IRF2BP2: variants seen among roughly 807,000 people sequenced by gnomAD.
The protein encoded by IRF2BP2 is interferon regulatory factor 2-binding protein 2.
In IRF2BP2, 13 loss-of-function variants were observed where a neutral mutation model predicts 32.7. The observed-to-expected ratio is 0.40, with a 90% CI of 0.26 to 0.63. The LOEUF (loss-of-function observed/expected upper bound fraction) is 0.63, where lower values mean the gene tolerates loss of function less well. IRF2BP2 is among the 30% of genes least tolerant of loss of function. The pLI is 0.42. For synonymous variants in IRF2BP2, 555 were observed against 384.6 expected (o/e 1.44, Z -5.18); for missense variants, 980 against 830.6 (o/e 1.18, Z -2.21).
Position 234,605,790 on chromosome 1 carries a change from T to A in IRF2BP2, c.*1347A>T, listed in dbSNP as rs1419144422. ...CTAATAATTGATGATTTATTGGTTT[T>A]AAAAAAATCATTTTACTGATGCAAA... On this transcript the variant is annotated 3_prime_UTR_variant, in exon 2 of 2. Coordinates refer to ENST00000366609, the MANE Select transcript of IRF2BP2 (RefSeq NM_182972.3). The A allele has an allele frequency of 2.0e-5, 3 of 152,226 alleles. No homozygotes were observed. Among genetic ancestry groups the A allele is most frequent in the Non-Finnish European group, 1.5e-5 (1 of 68,042 alleles). 9.4% of individuals were successfully genotyped at this position (152,226 alleles called of 1,614,324 possible).
rs1261585655 is a variant in IRF2BP2, at chr1:234,609,525, G to C, written c.-31C>G. 4 of 1,382,676 alleles carry C rather than the reference G, an allele frequency of 2.9e-6. No individual in the cohort carries two copies. The African/African-American group carries it at 6.0e-5, about 21-fold the overall frequency. 85.7% of individuals were successfully genotyped at this position (1,382,676 alleles called of 1,614,324 possible). On this transcript the variant is annotated 5_prime_UTR_variant, in exon 1 of 2. Transcript: ENST00000366609. Reference sequence around the variant, plus strand: ...AGGAGCCCGCGACGCCGGAGGAGGAGGCGGAGGAGGAGGAGGGGGCGCCGC... The same window carrying C: ...AGGAGCCCGCGACGCCGGAGGAGGACGCGGAGGAGGAGGAGGGGGCGCCGC...
In IRF2BP2 at chr1:234,608,750, G is replaced by A. The variant is rs543247102; in HGVS notation, c.745C>T (p.His249Tyr). ...TTGGCTGCCGCCTCACGCTGCTCGT[G>A]CTCCACGGCAGCGCTGCTCGACACG... ...ASVSSSAAVE[H>Y]EQREAAAKEK... Residue 249 changes from histidine to tyrosine, a missense_variant, in exon 1 of 2, where the codon CAC (histidine) becomes TAC (tyrosine). By Grantham distance (83) the His-to-Tyr change is moderately conservative. Coordinates refer to ENST00000366609, the MANE Select transcript of IRF2BP2 (RefSeq NM_182972.3). 269 of 1,496,676 alleles carry A rather than the reference G, an allele frequency of 1.8e-4. No individual in the cohort carries two copies. The African/African-American group carries it at 2.0e-3, about 11-fold the overall frequency. The allele number at this position is 1,496,676 out of a possible 1,614,324, so 92.7% of individuals were successfully genotyped here.
chr1:234,604,492 A>T lies in IRF2BP2; in HGVS notation c.*2645T>A, dbSNP rs1483354693. On this transcript the variant is annotated 3_prime_UTR_variant, in exon 2 of 2. Transcript: ENST00000366609. ...AAAAAAGTAAAGGTTAAAAGGTGGC[A>T]CACTTTTAAAATACTTGGTGGCCAA... The T allele has an allele frequency of 1.3e-5, 2 of 152,208 alleles. No homozygotes were observed. The highest frequency in any genetic ancestry group is 2.9e-5 in the Non-Finnish European group (2 of 68,032). The allele number at this position is 152,208 out of a possible 1,614,324, so 9.4% of individuals were successfully genotyped here.
chr1:234,607,958 C>T (rs1045330038), intron 1 of IRF2BP2, 106 bp from the exon 2 acceptor site: 3 of 894,084 alleles, frequency 3.4e-6, no homozygotes. Context: ...AGAATTCCTC[C>T]TCTCTAAAAG....
chr1:234,610,092 A>C lies in IRF2BP2; in HGVS notation c.-598T>G, dbSNP rs1672308511. Among the ~76,000 whole-genome samples the C allele has an allele frequency of 1.4e-5, 2 of 147,508 alleles. No homozygotes were observed. The highest frequency in any genetic ancestry group is 2.4e-5 in the African/African-American group (1 of 40,856). On this transcript the variant is annotated 5_prime_UTR_variant, in exon 1 of 2. Transcript: ENST00000366609. Reference sequence around the variant, plus strand: ...ACAGCTCCTGGCGTCGCCGCTCTCCAGCGCCAGCGTCAGCGGCCAGCCCGC... The same window carrying C: ...ACAGCTCCTGGCGTCGCCGCTCTCCCGCGCCAGCGTCAGCGGCCAGCCCGC...
rs998011263 is a variant in IRF2BP2 at position 234,604,513 on chromosome 1, G to A, written c.*2624C>T. 1 of 152,134 alleles carries A rather than the reference G, an allele frequency of 6.6e-6. No individual in the cohort carries two copies. The highest frequency in any genetic ancestry group is 1.5e-5 in the Non-Finnish European group (1 of 68,022). The allele number at this position is 152,134 out of a possible 1,614,324, so 9.4% of individuals were successfully genotyped here. On this transcript the variant is annotated 3_prime_UTR_variant, in exon 2 of 2. Transcript: ENST00000366609. ...TGGCACACTTTTAAAATACTTGGTG[G>A]CCAAGGAAAGGTATATAGTAAAAGT...
rs1182004847 is a variant in IRF2BP2, at chr1:234,608,785, C to A, written c.710G>T (p.Arg237Leu). 2 of 1,436,448 alleles carry A rather than the reference C, an allele frequency of 1.4e-6. No homozygotes were observed. The highest frequency in any genetic ancestry group is 1.8e-6 in the Non-Finnish European group (2 of 1,103,290). 89.0% of individuals were successfully genotyped at this position (1,436,448 alleles called of 1,614,324 possible). Residue 237 changes from arginine to leucine, a missense_variant, in exon 1 of 2, where the codon CGG (arginine) becomes CTG (leucine). Transcript: ENST00000366609. ...AQPTDLGAHK[R>L]PASVSSSAAV... ...AGCGCTGCTCGACACGGATGCCGGC[C>A]GCTTGTGGGCGCCCAGATCGGTGGG...
In IRF2BP2 at chr1:234,609,060, C is replaced by G. The variant is rs1672264608; in HGVS notation, c.435G>C (p.Pro145=). Residue 145 remains proline, a synonymous_variant, in exon 1 of 2, where the codon CCG becomes CCC. Coordinates refer to ENST00000366609, the MANE Select transcript of IRF2BP2 (RefSeq NM_182972.3). ...TCACGGGCGGCGGCTGCGGCGTCGG[C>G]GGCTGGGCCAGGCTCGCTGCCGGGC... ...SSRPAASLAQ[P]PTPQPPPVNG... is the part of the protein sequence containing the mutation. 2 of 1,280,170 alleles carry G rather than the reference C, an allele frequency of 1.6e-6. No homozygotes were observed. Among genetic ancestry groups the G allele is most frequent in the Non-Finnish European group, 2.0e-6 (2 of 1,016,314 alleles). 79.3% of individuals were successfully genotyped at this position (1,280,170 alleles called of 1,614,324 possible).
rs1193957450 is a variant in IRF2BP2, at chr1:234,609,914, G to A, written c.-420C>T. Among the ~76,000 whole-genome samples the A allele has an allele frequency of 7.0e-6, 1 of 141,944 alleles. No homozygotes were observed. Among genetic ancestry groups the A allele is most frequent in the Non-Finnish European group, 1.6e-5 (1 of 63,954 alleles). 93.1% of individuals were successfully genotyped at this position (141,944 alleles called of 152,430 possible). A position where few individuals can be genotyped will look rare whatever the true frequency, so the allele number is the denominator to read the frequency against. On this transcript the variant is annotated 5_prime_UTR_variant, in exon 1 of 2. Transcript: ENST00000366609. ...CGGCGGCCGGCACGGAGTGCGGGGC[G>A]GGGGGCGGGGAGGCCGGGGGGGCAG...
rs372505018 is a variant in IRF2BP2, at chr1:234,607,130, G to C, written c.*7C>G. ...GTAATCATTGGGTTTTTCTGAAACC[G>C]GAAAAGTCACGAGTCTCTCTCTTTT... On this transcript the variant is annotated 3_prime_UTR_variant, in exon 2 of 2. Transcript: ENST00000366609. The C allele has an allele frequency of 1.3e-5, 20 of 1,598,486 alleles. No individual in the cohort carries two copies. The African/African-American group carries it at 2.6e-4, about 20-fold the overall frequency.
rs1314841972 is a variant in IRF2BP2, at chr1:234,605,178, C to CCTAGATACA, written c.*1950_*1958dup. 1.9e-4 allele frequency: 18 copies of CCTAGATACA among 93,058 alleles called. No individual in the cohort carries two copies. The highest frequency in any genetic ancestry group is 1.7e-3 in the Admixed American group (18 of 10,430). 5.8% of individuals were successfully genotyped at this position (93,058 alleles called of 1,614,324 possible). ...ATCTGTGAGGTCAAATTCCAAAGTG[C>CCTAGATACA]CTAGATACACATTTATACAACAGAC... On this transcript the variant is annotated 3_prime_UTR_variant, in exon 2 of 2. Transcript: ENST00000366609.
At position 234,607,015 on chromosome 1, in the gene IRF2BP2, A is replaced by G. The variant is rs991287707; in HGVS notation, c.*122T>C. 1 of 759,552 alleles carries G rather than the reference A, an allele frequency of 1.3e-6. No individual in the cohort carries two copies. 47.1% of individuals were successfully genotyped at this position (759,552 alleles called of 1,614,324 possible). On this transcript the variant is annotated 3_prime_UTR_variant, in exon 2 of 2. Transcript: ENST00000366609. ...TGTATTCAAAAAAAATCAAAATTAT[A>G]CAGCCATGTTTATGAAGTCTACATT...
chr1:234,608,238 G>GT (rs1672221030), intron 1 of IRF2BP2: 10 of 539,562 alleles, frequency 1.9e-5, no homozygotes, highest in Admixed American at 3.6e-5. Context: ...GTGTCAGAGC[G>GT]TATCAGCCCA....
chr1:234,608,297 C>T (rs867506245), intron 1 of IRF2BP2, 150 bp downstream of exon 1: 1 of 661,230 alleles, frequency 1.5e-6, no homozygotes, highest in Non-Finnish European at 2.5e-6. Context: ...CACGTTGCCA[C>T]CAAGCACTGG....
chr1:234,607,287 G>T lies in IRF2BP2; in HGVS notation c.1614C>A (p.Ile538=), dbSNP rs1672190233. Residue 538 remains isoleucine (I), a synonymous_variant, in exon 2 of 2, where the codon ATC becomes ATA. Transcript: ENST00000366609. ...CCTCTCCACTAGCTCCCTGCTGTTT[G>T]ATGCTTTGTCTGGAGCAAGGGAAGC... ...KFCFPCSRQS[I]KQQGASGEVY... is the part of the protein sequence containing the mutation. 6.2e-7 allele frequency: 1 copy of T among 1,614,098 alleles called. No homozygotes were observed.
In IRF2BP2 at chr1:234,609,277, G is replaced by A; in HGVS notation, c.218C>T (p.Pro73Leu). ...HGCFPEGRSP[P>L]GAAASAAAKP... ...GGCGGCGGCCGAGGCCGCGGCGCCG[G>A]GTGGGGAGCGACCCTCCGGGAAGCA... Residue 73 changes from proline (P) to leucine (L), a missense_variant, in exon 1 of 2, where the codon CCC becomes CTC. Coordinates refer to ENST00000366609, the MANE Select transcript of IRF2BP2 (RefSeq NM_182972.3). 1.4e-6 allele frequency: 2 copies of A among 1,440,146 alleles called. No homozygotes were observed. Among genetic ancestry groups the A allele is most frequent in the Non-Finnish European group, 1.8e-6 (2 of 1,093,442 alleles). 89.2% of individuals were successfully genotyped at this position (1,440,146 alleles called of 1,614,324 possible). A position where few individuals can be genotyped will look rare whatever the true frequency, so the allele number is the denominator to read the frequency against.
rs1321073474 is a variant in IRF2BP2, at chr1:234,608,529, C to T, written c.966G>A (p.Glu322=). The T allele has an allele frequency of 6.2e-7, 1 of 1,610,876 alleles. No homozygotes were observed. Among genetic ancestry groups the T allele is most frequent in the Non-Finnish European group, 8.5e-7 (1 of 1,179,170 alleles). ...LHQHGHSGPF[E]SKFKKEPALT... ...GGGCCGGCTCCTTCTTAAACTTGCT[C>T]TCGAAGGGCCCCGAGTGGCCGTGCT... Residue 322 remains glutamate (E), a synonymous_variant, in exon 1 of 2, where the codon GAG becomes GAA. Coordinates refer to ENST00000366609, the MANE Select transcript of IRF2BP2 (RefSeq NM_182972.3).
chr1:234,604,943 A>G lies in IRF2BP2; in HGVS notation c.*2194T>C, dbSNP rs1292654144. 1 of 152,368 alleles carries G rather than the reference A, an allele frequency of 6.6e-6. No homozygotes were observed. Among genetic ancestry groups the G allele is most frequent in the East Asian group, 1.9e-4 (1 of 5,190 alleles). 9.4% of individuals were successfully genotyped at this position (152,368 alleles called of 1,614,324 possible). A position where few individuals can be genotyped will look rare whatever the true frequency, so the allele number is the denominator to read the frequency against. On this transcript the variant is annotated 3_prime_UTR_variant, in exon 2 of 2. Transcript: ENST00000366609. ...TTATTTTTTAATAGTAGTAACCACAATACACAGCTCTTTAAAGCTGTTCAT... is the reference window on the plus strand; with the variant it reads ...TTATTTTTTAATAGTAGTAACCACAGTACACAGCTCTTTAAAGCTGTTCAT...
At position 234,608,889 on chromosome 1, in the gene IRF2BP2, C is replaced by A. The variant is rs954298262; in HGVS notation, c.606G>T (p.Ala202=). 2 of 1,328,930 alleles carry A rather than the reference C, an allele frequency of 1.5e-6. No homozygotes were observed. The highest frequency in any genetic ancestry group is 4.0e-5 in the Admixed American group (1 of 25,310). 82.3% of individuals were successfully genotyped at this position (1,328,930 alleles called of 1,614,324 possible). A position where few individuals can be genotyped will look rare whatever the true frequency, so the allele number is the denominator to read the frequency against. Residue 202 remains alanine (A), a synonymous_variant, in exon 1 of 2, where the codon GCG becomes GCT. Coordinates refer to ENST00000366609, the MANE Select transcript of IRF2BP2 (RefSeq NM_182972.3). ...CGGCAGCGCGGCCGCCGAGGCCGAG[C>A]GCGGTGGGCAGCGGCGTGGCCGAGC... ...MNGSATPLPT[A]LGLGGRAAAS... is the part of the protein sequence containing the mutation.
Sources: gnomAD v4.1 joint callset for allele counts (sites outside exome capture counted in the v4.1 genomes callset) on GRCh38, gnomAD v4.1.1 for gene constraint, MANE v1.5 for transcripts, NCBI Gene and HGNC (gene_info 2026-07-23, HGNC 2026-07-21) for gene names.